The following CWF19L1 variants were observed in gnomAD, a reference collection of about 807,000 sequenced individuals.
CWF19L1 encodes CWF19 like cell cycle control factor 1.
In CWF19L1, 60 loss-of-function variants were observed where a neutral mutation model predicts 69.7. That is an observed-to-expected ratio of 0.86 (90% CI 0.70 to 1.07). The LOEUF is 1.07. Among genes scored for constraint, CWF19L1 ranks in the 50% least tolerant of loss-of-function variants. The pLI is 0.00. For synonymous variants in CWF19L1, 209 were observed against 222.2 expected (o/e 0.94, Z 0.53); for missense variants, 591 against 638.9 (o/e 0.92, Z 0.81).
intron 6 of CWF19L1, among the ~76,000 whole-genome samples, chr10:100,251,011 T>C (rs1278938012): frequency 6.6e-6 from 1 of 151,644 alleles, no homozygotes; most frequent in East Asian, 1.9e-4. Flanking sequence ...TCACTTAACA[T>C]AAAGTTTTCA....
intron 12 of CWF19L1, 89 bp downstream of exon 12, chr10:100,236,761 C>G (rs551895599): frequency 1.4e-6 from 2 of 1,480,800 alleles, no homozygotes. Context: ...CAGAGCAAGA[C>G]TCTGTCTCAA....
At position 100,236,967 on chromosome 10, in the gene CWF19L1, G is replaced by A; in HGVS notation, c.1257C>T (p.Val419=). The change falls in exon 12 of 14, where the codon GTC becomes GTT. Residue 419 remains valine (V), a splice_region_variant and synonymous_variant. Transcript: ENST00000354105. ...TAGAGCAGCTGATTGGGACAGGAATGACCTGGGGGTTGGGGAGACAGGAGA... is the reference window on the plus strand; with the variant it reads ...TAGAGCAGCTGATTGGGACAGGAATAACCTGGGGGTTGGGGAGACAGGAGA... The part of the protein sequence containing the change: ...NYKSHHLQLQ[V]IPVPISCSTT... 2 of 1,582,410 alleles carry A rather than the reference G, an allele frequency of 1.3e-6. No individual in the cohort carries two copies. The highest frequency in any genetic ancestry group is 1.7e-6 in the Non-Finnish European group (2 of 1,165,160).
At chr10:100,238,932 CAA>C (rs397845145) in intron 10 of CWF19L1, among the ~76,000 whole-genome samples, 22,654 of 67,674 alleles carry the variant, frequency 0.33, 2,497 homozygotes, top group East Asian at 0.44. Context: ...ACTCCGTCTC[CAA>C]AAAAAAAAAA....
intron 10 of CWF19L1, among the ~76,000 whole-genome samples, chr10:100,241,379 A>G (rs1846634194): frequency 6.6e-6 from 1 of 152,192 alleles, no homozygotes; most frequent in Non-Finnish European, 1.5e-5. Flanking sequence ...GCAGAAGTGT[A>G]ACTCCTTAAA....
At chr10:100,234,506 G>A (rs768394151) in intron 13 of CWF19L1, among the ~76,000 whole-genome samples, 12 of 152,100 alleles carry the variant, frequency 7.9e-5, no homozygotes, top group Non-Finnish European at 1.3e-4. Context: ...AGGCAACAAC[G>A]AAAACATCAC....
intron 6 of CWF19L1, among the ~76,000 whole-genome samples, chr10:100,251,135 T>G (rs769275513): frequency 8.5e-5 from 13 of 152,148 alleles, no homozygotes; most frequent in Non-Finnish European, 1.8e-4. Context: ...GATGGACATT[T>G]GGGTTGTTTG....
intron 1 of CWF19L1, among the ~76,000 whole-genome samples, chr10:100,262,820 C>T (rs113670122): frequency 2.6e-5 from 4 of 152,214 alleles, no homozygotes; most frequent in African/African-American, 7.2e-5. Context: ...GGTTTTTCCA[C>T]GGCTTATATC....
chr10:100,255,119 A>G (rs887849815), intron 5 of CWF19L1, among the ~76,000 whole-genome samples: 1 of 152,186 alleles, frequency 6.6e-6, no homozygotes, highest in African/African-American at 2.4e-5. Flanking sequence ...CCTCACACAT[A>G]ACCTTTTCAA....
chr10:100,267,542 G>A (rs756037154), intron 1 of CWF19L1, 29 bp downstream of exon 1: 2 of 1,614,210 alleles, frequency 1.2e-6, no homozygotes, highest in East Asian at 4.5e-5. Context: ...GAGACACAGG[G>A]AGAGAGGCTT....
chr10:100,261,778 A>G (rs1259184727), intron 2 of CWF19L1, among the ~76,000 whole-genome samples: 1 of 152,244 alleles, frequency 6.6e-6, no homozygotes, highest in Middle Eastern at 3.2e-3. Context: ...TTCAAATTCA[A>G]AAAATATAAA....
rs752117882 is a variant in CWF19L1, at chr10:100,236,789, AAAC to A, written c.1374+58_1374+60del. ...TGTCTCAAACAAACAAACAAACAACAAACAACAACAAAAAAAACAGATATTTAC... is the reference window on the plus strand; with the variant it reads ...TGTCTCAAACAAACAAACAAACAACAAACAACAAAAAAAACAGATATTTAC... On this transcript the variant is annotated intron_variant, in intron 12 of 13. Coordinates refer to ENST00000354105, the MANE Select transcript of CWF19L1 (RefSeq NM_018294.6). 2.5e-4 allele frequency: 384 copies of A among 1,527,504 alleles called. 1 individual carries two copies. Among genetic ancestry groups the A allele is most frequent in the Non-Finnish European group, 3.0e-4 (344 of 1,137,434 alleles). The allele number at this position is 1,527,504 out of a possible 1,614,324, so 94.6% of individuals were successfully genotyped here. A position where few individuals can be genotyped will look rare whatever the true frequency, so the allele number is the denominator to read the frequency against.
intron 7 of CWF19L1, 154 bp downstream of exon 7, chr10:100,250,094 C>T (rs1036586812): frequency 4.6e-6 from 3 of 653,878 alleles, no homozygotes; most frequent in African/African-American, 1.8e-5. Flanking sequence ...AGAGACTTGA[C>T]CTTTCATTAC....
intron 5 of CWF19L1, among the ~76,000 whole-genome samples, chr10:100,255,922 T>G (rs1847197294): frequency 6.6e-6 from 1 of 150,808 alleles, no homozygotes; most frequent in Non-Finnish European, 1.5e-5. Context: ...AGAGTGAGAC[T>G]CCATCTCAAA....
At chr10:100,244,222 TG>T (rs1846731071) in intron 9 of CWF19L1, among the ~76,000 whole-genome samples, 1 of 152,256 alleles carries the variant, frequency 6.6e-6, no homozygotes, top group Admixed American at 6.5e-5. Flanking sequence ...CCTTCGAGTT[TG>T]ATCATTCTAT....
rs757244041 is a variant in CWF19L1 at position 100,238,143 on chromosome 10, G to C, written c.1133C>G (p.Ser378Ter). 6.2e-7 allele frequency: 1 copy of C among 1,614,136 alleles called. No homozygotes were observed. Among genetic ancestry groups the C allele is most frequent in the Non-Finnish European group, 8.5e-7 (1 of 1,180,018 alleles). ...IGHYQSVVEL[S>*]AEVVEEVEKY... Reference sequence around the variant, plus strand: ...CTCCACCTCTTCTACCACCTCTGCTGAAAGCTCCACCACTGACTGGTAGTG... The same window carrying C: ...CTCCACCTCTTCTACCACCTCTGCTCAAAGCTCCACCACTGACTGGTAGTG... Residue 378 changes from serine (S) to a stop codon, truncating the protein, a stop_gained, in exon 11 of 14, where the codon TCA becomes TGA. Transcript: ENST00000354105. LOFTEE classifies it high-confidence loss of function.
In CWF19L1 at chr10:100,233,088, C is replaced by T; in HGVS notation, c.*139G>A. The T allele has an allele frequency of 1.2e-6, 1 of 811,042 alleles. No individual in the cohort carries two copies. The highest frequency in any genetic ancestry group is 1.8e-6 in the Non-Finnish European group (1 of 549,634). The allele number at this position is 811,042 out of a possible 1,614,324, so 50.2% of individuals were successfully genotyped here. A position where few individuals can be genotyped will look rare whatever the true frequency, so the allele number is the denominator to read the frequency against. ...TCTAGAGCCCAGGAGGTTGAGGCTA[C>T]AGTGAGCCACAGTTATGCCACTGCA... On this transcript the variant is annotated 3_prime_UTR_variant, in exon 14 of 14. Transcript: ENST00000354105.
intron 4 of CWF19L1, among the ~76,000 whole-genome samples, chr10:100,259,603 T>A (rs1259806626): frequency 1.3e-5 from 2 of 152,164 alleles, no homozygotes; most frequent in Non-Finnish European, 2.9e-5. Flanking sequence ...TCCCATATAC[T>A]ATAGACAAGG....
chr10:100,256,287 C>A lies in CWF19L1; in HGVS notation c.479G>T (p.Cys160Phe). The A allele has an allele frequency of 4.3e-6, 7 of 1,613,784 alleles. No homozygotes were observed. The highest frequency in any genetic ancestry group is 5.9e-6 in the Non-Finnish European group (7 of 1,179,836). Residue 160 changes from cysteine to phenylalanine, a missense_variant, in exon 5 of 14, where the codon TGT becomes TTT. Transcript: ENST00000354105. ...DILLTSPWPK[C>F]VGNFGNSSGE... Reference sequence around the variant, plus strand: ...AGAAGAATTCCCAAAGTTCCCCACACACTTGGGCCATGGGGATGTGAGCAA... The same window carrying A: ...AGAAGAATTCCCAAAGTTCCCCACAAACTTGGGCCATGGGGATGTGAGCAA...
At chr10:100,250,355 A>G (rs1412147894) in intron 6 of CWF19L1, 23 bp from the exon 7 acceptor site, 2 of 1,493,738 alleles carry the variant, frequency 1.3e-6, no homozygotes, top group Admixed American at 3.4e-5. Context: ...TGAGAGACAA[A>G]AAATTGCAAA....
Sources: allele counts gnomAD v4.1 joint callset (sites outside exome capture counted in the v4.1 genomes callset), GRCh38; gene constraint gnomAD v4.1.1; transcripts MANE v1.5; gene names NCBI Gene and HGNC (gene_info 2026-07-23, HGNC 2026-07-21).